The following MAEA variants were observed in gnomAD, a reference collection of about 807,000 sequenced individuals.
MAEA encodes macrophage erythroblast attacher, E3 ubiquitin ligase.
A neutral mutation model predicts 46.2 loss-of-function variants in MAEA; 22 were observed. The observed-to-expected ratio is 0.48, with a 90% CI of 0.34 to 0.68. The LOEUF (loss-of-function observed/expected upper bound fraction) is 0.68, where lower values mean the gene tolerates loss of function less well. Ranked by LOEUF, MAEA falls within the 30% of genes least tolerant of loss-of-function variation. The pLI, the probability that MAEA is intolerant of heterozygous loss-of-function variation, is 0.01. For missense variants in MAEA, 393 were observed against 558.1 expected (o/e 0.70, Z 2.98); for synonymous variants, 246 against 222.6 (o/e 1.11, Z -0.94).
At chr4:1,336,171 G>A (rs1171521669) in intron 6 of MAEA, among the ~76,000 whole-genome samples, 1 of 151,768 alleles carries the variant, frequency 6.6e-6, no homozygotes, top group Non-Finnish European at 1.5e-5. Flanking sequence ...TGGCCTTGCA[G>A]CATGTTGAAA....
chr4:1,336,637 C>T (rs1335399688), intron 6 of MAEA, among the ~76,000 whole-genome samples: 1 of 152,178 alleles, frequency 6.6e-6, no homozygotes, highest in Non-Finnish European at 1.5e-5. Context: ...GCACTCATCC[C>T]GCAGCATGTT....
intron 1 of MAEA, among the ~76,000 whole-genome samples, chr4:1,295,430 G>T (rs1270216119): frequency 6.6e-6 from 1 of 152,014 alleles, no homozygotes; most frequent in Non-Finnish European, 1.5e-5. Context: ...GCTGATGGCT[G>T]ACTGTGGACC....
At chr4:1,313,543 C>T (rs1053717421) in intron 2 of MAEA, among the ~76,000 whole-genome samples, 1 of 150,992 alleles carries the variant, frequency 6.6e-6, no homozygotes, top group Non-Finnish European at 1.5e-5. Context: ...CTGGGCAGCA[C>T]AGGGAGACCC....
At chr4:1,329,205 C>T (rs1199419586) in intron 5 of MAEA, 1 of 985,528 alleles carries the variant, frequency 1.0e-6, no homozygotes, top group Non-Finnish European at 1.2e-6. Flanking sequence ...CCTGTTACCC[C>T]CACTCCGCAT....
chr4:1,304,228 A>G (rs56404604), intron 1 of MAEA, among the ~76,000 whole-genome samples: 23,451 of 152,128 alleles, frequency 0.15, 3,486 homozygotes, highest in East Asian at 0.42. Flanking sequence ...AGTATGCCCT[A>G]GCTTTCAAAG....
chr4:1,307,463 C>G (rs1212077475), intron 1 of MAEA, among the ~76,000 whole-genome samples: 2 of 152,232 alleles, frequency 1.3e-5, no homozygotes, highest in African/African-American at 4.8e-5. Context: ...CTTCAAGGTT[C>G]ACCCATGTTA....
At chr4:1,337,169 G>A (rs1021549858) in intron 7 of MAEA, 175 bp downstream of exon 7, 4 of 709,046 alleles carry the variant, frequency 5.6e-6, no homozygotes, top group South Asian at 1.9e-5. Context: ...CGTGTTGAGG[G>A]GCCTCGGATG....
chr4:1,291,202 C>A (rs1734074977), intron 1 of MAEA, among the ~76,000 whole-genome samples: 1 of 152,108 alleles, frequency 6.6e-6, no homozygotes, highest in Non-Finnish European at 1.5e-5. Flanking sequence ...TTCACTGTTG[C>A]CTAGGGTGGT....
chr4:1,326,748 C>G (rs966302337), intron 4 of MAEA, among the ~76,000 whole-genome samples: 1 of 152,204 alleles, frequency 6.6e-6, no homozygotes, highest in Admixed American at 6.5e-5. Flanking sequence ...TCACAGCCAC[C>G]TAGGACCTCA....
chr4:1,315,004 G>A (rs1018019759), intron 2 of MAEA, among the ~76,000 whole-genome samples: 1 of 152,152 alleles, frequency 6.6e-6, no homozygotes, highest in Admixed American at 6.5e-5. Context: ...TATCTAGCCC[G>A]ATTCATTTTT....
At chr4:1,329,303 G>A in intron 5 of MAEA, 1 of 982,944 alleles carries the variant, frequency 1.0e-6, no homozygotes, top group Non-Finnish European at 1.2e-6. Context: ...CTTTGCCTGT[G>A]TTCCCCCCGC....
At chr4:1,323,882 C>T (rs1158249788) in intron 4 of MAEA, among the ~76,000 whole-genome samples, 4 of 152,230 alleles carry the variant, frequency 2.6e-5, no homozygotes, top group Admixed American at 2.6e-4. Context: ...GAATGCATGC[C>T]TGGGGGACGA....
rs752171629 is a variant in MAEA, at chr4:1,289,913, G to A, written c.-1G>A. The A allele has an allele frequency of 2.5e-6, 4 of 1,598,290 alleles. No individual in the cohort carries two copies. The highest frequency in any genetic ancestry group is 3.4e-4 in the Middle Eastern group (2 of 5,932). ...CCCGCTAATGTTTTGGCCGCTTCAA[G>A]ATGGCGGTGCAGGAGTCGGCGGCTC... On this transcript the variant is annotated 5_prime_UTR_variant, in exon 1 of 9. Transcript: ENST00000303400.
intron 3 of MAEA, among the ~76,000 whole-genome samples, chr4:1,316,098 G>C (rs1479587412): frequency 6.6e-6 from 1 of 152,088 alleles, no homozygotes; most frequent in Non-Finnish European, 1.5e-5. Flanking sequence ...CCCGATACCT[G>C]TACCCCGGGT....
chr4:1,297,100 A>T, intron 1 of MAEA, among the ~76,000 whole-genome samples: 1 of 152,164 alleles, frequency 6.6e-6, no homozygotes, highest in Non-Finnish European at 1.5e-5. Context: ...CCAGGCGCAA[A>T]ACCAAATGCC....
chr4:1,334,992 A>G (rs1712553713), intron 6 of MAEA: 2 of 985,306 alleles, frequency 2.0e-6, no homozygotes, highest in African/African-American at 3.5e-5. Context: ...CTGATGGGTG[A>G]CGTCCCCTGA....
chr4:1,304,450 T>C (rs1211575473), intron 1 of MAEA, among the ~76,000 whole-genome samples: 1 of 152,008 alleles, frequency 6.6e-6, no homozygotes, highest in African/African-American at 2.4e-5. Flanking sequence ...ATTACTTATT[T>C]ATTTATTTGA....
intron 3 of MAEA, among the ~76,000 whole-genome samples, chr4:1,318,089 C>G (rs1737532620): frequency 1.3e-5 from 2 of 152,200 alleles, no homozygotes; most frequent in Admixed American, 1.3e-4. Flanking sequence ...CACCCACCCG[C>G]CTCCCTGGCC....
intron 5 of MAEA, chr4:1,330,385 T>C (rs1485638956): frequency 6.6e-6 from 1 of 152,542 alleles, no homozygotes; most frequent in Non-Finnish European, 1.5e-5. Context: ...TGGCACAATC[T>C]CAGCTCACCG....
Sources: gnomAD v4.1 joint callset for allele counts (sites outside exome capture counted in the v4.1 genomes callset) on GRCh38, gnomAD v4.1.1 for gene constraint, MANE v1.5 for transcripts, NCBI Gene and HGNC (gene_info 2026-07-23, HGNC 2026-07-21) for gene names.